Variants in SLC38A6 observed in about 807,000 individuals in gnomAD.
SLC38A6 encodes solute carrier family 38 member 6.
SLC38A6 carries 73 observed loss-of-function variants against 65.0 expected under a neutral mutation model. The observed-to-expected ratio is 1.12, with a 90% CI of 0.93 to 1.37. SLC38A6 has a LOEUF of 1.37. Ranked by LOEUF, SLC38A6 falls within the 40% of genes most tolerant of loss-of-function variation. SLC38A6 has a pLI of 0.00. For missense variants in SLC38A6, 561 were observed against 531.1 expected, an observed-to-expected ratio of 1.06 and a Z score of -0.55; for synonymous variants, 183 against 178.8, an observed-to-expected ratio of 1.02 and a Z score of -0.19.
chr14:61,043,620 G>T, intron 10 of SLC38A6, 117 bp downstream of exon 10: 1 of 586,412 alleles, frequency 1.7e-6, no homozygotes, highest in Non-Finnish European at 2.8e-6. Context: ...TTTCATGAAA[G>T]TGCTAAGTAT....
At chr14:61,019,654 C>A in intron 5 of SLC38A6, 74 bp downstream of exon 5, 1 of 1,476,304 alleles carries the variant, frequency 6.8e-7, no homozygotes, top group Non-Finnish European at 9.5e-7. Context: ...TATCTTACTA[C>A]AGATCTAGCT....
chr14:61,028,526 A>G (rs2040739435), intron 5 of SLC38A6, among the ~76,000 whole-genome samples: 1 of 152,102 alleles, frequency 6.6e-6, no homozygotes, highest in Admixed American at 6.6e-5. Flanking sequence ...GTTAGTCTAA[A>G]CCTTCCTTCT....
At chr14:61,008,240 TAAA>T (rs2039296437) in intron 3 of SLC38A6, among the ~76,000 whole-genome samples, 1 of 152,172 alleles carries the variant, frequency 6.6e-6, no homozygotes. Context: ...ATTCTGATAA[TAAA>T]GTTAAAATTT....
chr14:61,031,546 T>A (rs1199280741), intron 6 of SLC38A6, among the ~76,000 whole-genome samples: 1 of 152,136 alleles, frequency 6.6e-6, no homozygotes, highest in African/African-American at 2.4e-5. Context: ...TTTCTCTTCA[T>A]CAGAAGATAT....
rs2040221371 is a variant in SLC38A6 at position 61,019,424 on chromosome 14, T to C, written c.364-117T>C. ...AATGACTGGCAGATTTCTTTTTAGT[T>C]TCTCCTCACAACTTCTGCATCTGCT... On this transcript the variant is annotated intron_variant, in intron 4 of 15. Coordinates refer to ENST00000267488, the MANE Select transcript of SLC38A6 (RefSeq NM_153811.3). The C allele has an allele frequency of 3.0e-5, 26 of 866,194 alleles. No homozygotes were observed. The South Asian group carries it at 5.1e-4, about 17-fold the overall frequency. 53.7% of individuals were successfully genotyped at this position (866,194 alleles called of 1,614,324 possible). A position where few individuals can be genotyped will look rare whatever the true frequency, so the allele number is the denominator to read the frequency against.
chr14:61,057,785 C>G (rs1240841380), intron 15 of SLC38A6, among the ~76,000 whole-genome samples: 184 of 103,022 alleles, frequency 1.8e-3, no homozygotes, highest in East Asian at 0.01. Context: ...TTGATTATTG[C>G]CACAATTTCA....
At chr14:61,029,926 G>T (rs1321681377) in intron 5 of SLC38A6, among the ~76,000 whole-genome samples, 1 of 152,074 alleles carries the variant, frequency 6.6e-6, no homozygotes, top group Non-Finnish European at 1.5e-5. Flanking sequence ...TAATGCAGGG[G>T]TGGGTAGTAG....
intron 5 of SLC38A6, among the ~76,000 whole-genome samples, chr14:61,024,178 T>A (rs914064989): frequency 6.6e-6 from 1 of 152,186 alleles, no homozygotes; most frequent in Non-Finnish European, 1.5e-5. Flanking sequence ...TAGTGTGGTC[T>A]GACAAATTGA....
intron 2 of SLC38A6, 68 bp from the exon 3 acceptor site, chr14:60,984,662 T>G (rs1378534048): frequency 1.5e-6 from 2 of 1,321,306 alleles, no homozygotes; most frequent in African/African-American, 1.4e-5. Flanking sequence ...AATTTGTTTT[T>G]GTAATGAGAC....
chr14:61,029,099 TC>T (rs1475216830), intron 5 of SLC38A6, among the ~76,000 whole-genome samples: 1 of 152,034 alleles, frequency 6.6e-6, no homozygotes, highest in Non-Finnish European at 1.5e-5. Context: ...GTGAAATGTT[TC>T]CTGATATATA....
intron 3 of SLC38A6, among the ~76,000 whole-genome samples, chr14:60,993,167 A>T (rs1464572124): frequency 6.6e-6 from 1 of 152,056 alleles, no homozygotes; most frequent in Non-Finnish European, 1.5e-5. Context: ...TTTTTAGCAT[A>T]CTGTCTTCAT....
chr14:60,999,211 T>C (rs2038528145), intron 3 of SLC38A6, among the ~76,000 whole-genome samples: 3 of 152,208 alleles, frequency 2.0e-5, no homozygotes, highest in African/African-American at 7.2e-5. Context: ...TGGAATCCAC[T>C]GTTGGTTGCT....
At chr14:61,042,876 T>A (rs1312217598) in intron 8 of SLC38A6, among the ~76,000 whole-genome samples, 3 of 152,168 alleles carry the variant, frequency 2.0e-5, no homozygotes, top group African/African-American at 4.8e-5. Context: ...AAAAATGCCT[T>A]GATGCTGTTG....
chr14:61,079,725 C>G (rs2043568181), intron 16 of SLC38A6, among the ~76,000 whole-genome samples: 1 of 152,194 alleles, frequency 6.6e-6, no homozygotes, highest in Non-Finnish European at 1.5e-5. Context: ...TCCTTTGTAT[C>G]CTCCATCCAG....
intron 5 of SLC38A6, among the ~76,000 whole-genome samples, chr14:61,024,060 T>C (rs2040486144): frequency 6.6e-6 from 1 of 152,164 alleles, no homozygotes; most frequent in Non-Finnish European, 1.5e-5. Context: ...GCCCAGTATA[T>C]GTAAGTGAGC....
chr14:61,005,438 G>T (rs1421788944), intron 3 of SLC38A6, among the ~76,000 whole-genome samples: 1 of 143,214 alleles, frequency 7.0e-6, no homozygotes, highest in Admixed American at 7.2e-5. Flanking sequence ...AAACCCCATT[G>T]TCTCAGCCCA....
intron 15 of SLC38A6, 82 bp from the exon 16 acceptor site, chr14:61,052,267 A>C: frequency 7.5e-7 from 1 of 1,332,656 alleles, no homozygotes; most frequent in Non-Finnish European, 1.0e-6. Context: ...GAGAGTAGAG[A>C]TTTAACAAAT....
chr14:61,043,116 A>T, intron 8 of SLC38A6, 31 bp from the exon 9 acceptor site: 1 of 1,329,134 alleles, frequency 7.5e-7, no homozygotes, highest in Non-Finnish European at 1.1e-6. Flanking sequence ...ATAAGAAATG[A>T]TCTGAGTGCT....
intron 3 of SLC38A6, among the ~76,000 whole-genome samples, chr14:60,995,100 C>T (rs2038192996): frequency 1.3e-5 from 2 of 151,674 alleles, no homozygotes; most frequent in South Asian, 2.1e-4. Context: ...TGAAAGAAAC[C>T]ATGTGATCCA....
Sources: allele counts gnomAD v4.1 joint callset (sites outside exome capture counted in the v4.1 genomes callset), GRCh38; gene constraint gnomAD v4.1.1; transcripts MANE v1.5; gene names NCBI Gene and HGNC (gene_info 2026-07-23, HGNC 2026-07-21).